The following RABGAP1L variants were observed in gnomAD, a reference collection of about 807,000 sequenced individuals.
RABGAP1L encodes the protein RAB GTPase activating protein 1 like, also known as rab GTPase-activating protein 1-like.
RABGAP1L carries 63 observed loss-of-function variants against 137.7 expected under a neutral mutation model. That is an observed-to-expected ratio of 0.46 (90% CI 0.37 to 0.56). The LOEUF is 0.56. Among genes scored for constraint, RABGAP1L ranks in the 20% least tolerant of loss-of-function variants. RABGAP1L has a pLI of 0.00. For missense variants in RABGAP1L, 1,095 were observed against 1,244.0 expected (o/e 0.88, Z 1.80); for synonymous variants, 431 against 433.7 (o/e 0.99, Z 0.08).
intron 13 of RABGAP1L, among the ~76,000 whole-genome samples, chr1:174,611,600 T>C (rs1671259195): frequency 6.6e-6 from 1 of 150,610 alleles, no homozygotes; most frequent in South Asian, 2.1e-4. Flanking sequence ...AAGAAAGTCA[T>C]TGGTAGCTTG....
chr1:174,181,617 G>A (rs1247569920), intron 1 of RABGAP1L, among the ~76,000 whole-genome samples: 2 of 152,134 alleles, frequency 1.3e-5, no homozygotes, highest in African/African-American at 4.8e-5. Context: ...GATTACAGGC[G>A]TGAGCCACCA....
intron 13 of RABGAP1L, among the ~76,000 whole-genome samples, chr1:174,477,944 A>G (rs568622911): frequency 6.6e-6 from 1 of 152,156 alleles, no homozygotes; most frequent in Non-Finnish European, 1.5e-5. Flanking sequence ...CTGCTAATAT[A>G]GATAGGATTC....
chr1:174,682,315 T>C (rs953491859), intron 14 of RABGAP1L, among the ~76,000 whole-genome samples: 3 of 150,780 alleles, frequency 2.0e-5, no homozygotes, highest in Non-Finnish European at 3.0e-5. Flanking sequence ...CATATATATA[T>C]ATACACACAC....
chr1:174,353,509 C>G (rs1683367777), intron 11 of RABGAP1L, among the ~76,000 whole-genome samples: 1 of 152,182 alleles, frequency 6.6e-6, no homozygotes, highest in Non-Finnish European at 1.5e-5. Context: ...GACTGCTTTT[C>G]AAGTTTATTT....
intron 4 of RABGAP1L, among the ~76,000 whole-genome samples, chr1:174,241,171 T>G (rs1170326130): frequency 6.6e-6 from 1 of 152,028 alleles, no homozygotes; most frequent in Non-Finnish European, 1.5e-5. Context: ...AATACAAAAA[T>G]TAGCCGGGTG....
chr1:174,780,107 TA>T (rs1328425980), intron 18 of RABGAP1L, among the ~76,000 whole-genome samples: 29,816 of 146,942 alleles, frequency 0.2, 3,760 homozygotes, highest in East Asian at 0.28. Flanking sequence ...AATAAATAAA[TA>T]AATAAATAAA....
intron 13 of RABGAP1L, among the ~76,000 whole-genome samples, chr1:174,489,368 G>A (rs1166097535): frequency 6.6e-6 from 1 of 152,086 alleles, no homozygotes; most frequent in African/African-American, 2.4e-5. Flanking sequence ...AGTGGACGAA[G>A]GATATGAACA....
At position 174,203,484 on chromosome 1, in the gene RABGAP1L, G is replaced by A. The variant is rs1235580513; in HGVS notation, c.-33-15641G>A. Among the ~76,000 whole-genome samples, 3 of 152,226 alleles carry A rather than the reference G, an allele frequency of 2.0e-5. No individual in the cohort carries two copies. In the East Asian group the frequency reaches 5.8e-4, roughly 29 times the overall value. The stretch of plus-strand genomic sequence containing the variant: ...GGTCTATGTGCCTGTTTTTGTACCC[G>A]TACCATGCTGTTTTGGTTACTGTAG... On this transcript the variant is annotated intron_variant, in intron 1 of 25. Transcript: ENST00000681986.
chr1:174,303,458 C>T (rs1677912876), intron 10 of RABGAP1L, among the ~76,000 whole-genome samples: 1 of 151,942 alleles, frequency 6.6e-6, no homozygotes, highest in Non-Finnish European at 1.5e-5. Context: ...GATGGCATGC[C>T]ATATTGAAAA....
intron 11 of RABGAP1L, among the ~76,000 whole-genome samples, chr1:174,314,160 ACTT>A (rs1328761626): frequency 1.3e-5 from 2 of 151,914 alleles, no homozygotes; most frequent in Admixed American, 6.6e-5. Context: ...TTAGTGGGAG[ACTT>A]CTTATTATTG....
intron 19 of RABGAP1L, among the ~76,000 whole-genome samples, chr1:174,936,995 T>TG (rs1558254102): frequency 6.8e-6 from 1 of 146,934 alleles, no homozygotes; most frequent in Admixed American, 6.8e-5. Context: ...TTTTTTTTTT[T>TG]GTGAGATGGA....
chr1:174,350,418 T>G (rs1287992317), intron 11 of RABGAP1L, among the ~76,000 whole-genome samples: 12 of 63,216 alleles, frequency 1.9e-4, no homozygotes, highest in South Asian at 1.7e-3. Context: ...AGACGGGGTC[T>G]CGGCCGGGCA....
At chr1:174,615,041 G>T (rs1671672061) in intron 13 of RABGAP1L, among the ~76,000 whole-genome samples, 2 of 152,162 alleles carry the variant, frequency 1.3e-5, no homozygotes, top group South Asian at 2.1e-4. Flanking sequence ...CTGTAGCTCG[G>T]AGTAGTTTGA....
At chr1:174,342,861 C>A (rs61828631) in intron 11 of RABGAP1L, among the ~76,000 whole-genome samples, 13,649 of 151,912 alleles carry the variant, frequency 0.09, 822 homozygotes, top group East Asian at 0.22. Context: ...TCCTCAGCCT[C>A]CTGAGTAGCT....
intron 11 of RABGAP1L, among the ~76,000 whole-genome samples, chr1:174,350,130 T>TTG (rs1013504164): frequency 1.4e-5 from 1 of 69,454 alleles, no homozygotes; most frequent in Non-Finnish European, 3.0e-5. Context: ...GCTGGCCGGG[T>TTG]GGGGGGGCTG....
At chr1:174,184,504 C>T (rs1666647324) in intron 1 of RABGAP1L, among the ~76,000 whole-genome samples, 1 of 152,080 alleles carries the variant, frequency 6.6e-6, no homozygotes, top group Non-Finnish European at 1.5e-5. Context: ...ATTTTGCATC[C>T]CCACTAGCAG....
At chr1:174,675,156 CTT>C (rs1469404085) in intron 14 of RABGAP1L, among the ~76,000 whole-genome samples, 3 of 152,198 alleles carry the variant, frequency 2.0e-5, no homozygotes, top group Admixed American at 1.3e-4. Flanking sequence ...GACATGAAGT[CTT>C]TGCCCATGCC....
chr1:174,633,652 A>C (rs1350324440), intron 13 of RABGAP1L, among the ~76,000 whole-genome samples: 1 of 115,676 alleles, frequency 8.6e-6, no homozygotes. Flanking sequence ...GGCTACAGTA[A>C]CCAAAACAGC....
chr1:174,342,056 C>CA (rs1682020771), intron 11 of RABGAP1L, among the ~76,000 whole-genome samples: 1 of 151,932 alleles, frequency 6.6e-6, no homozygotes, highest in Admixed American at 6.6e-5. Flanking sequence ...CTAGGTGGTT[C>CA]AGTAAAGCGT....
Sources: allele counts gnomAD v4.1 joint callset (sites outside exome capture counted in the v4.1 genomes callset), GRCh38; gene constraint gnomAD v4.1.1; transcripts MANE v1.5; gene names NCBI Gene and HGNC (gene_info 2026-07-23, HGNC 2026-07-21).